Variants in MAF observed in about 807,000 individuals in gnomAD.
MAF encodes transcription factor Maf.
A neutral mutation model predicts 22.0 loss-of-function variants in MAF; 10 were observed. The ratio of observed to expected loss-of-function variants is 0.45; its 90% CI spans 0.28 to 0.77. The LOEUF (loss-of-function observed/expected upper bound fraction) is 0.77, where lower values mean the gene tolerates loss of function less well. Among genes scored for constraint, MAF ranks in the 30% least tolerant of loss-of-function variants. MAF has a pLI of 0.12. For missense variants in MAF, 544 were observed against 548.4 expected, an observed-to-expected ratio of 0.99 and a Z score of 0.08; for synonymous variants, 337 against 255.8, an observed-to-expected ratio of 1.32 and a Z score of -3.03.
chr16:79,343,673 G>A, the MAF span, among the ~76,000 whole-genome samples: 2 of 152,160 alleles, frequency 1.3e-5, no homozygotes, highest in Non-Finnish European at 2.9e-5. Context: ...GCAGACTCCT[G>A]ACTTTTCAAT....
At chr16:79,275,597 T>G in the MAF span, among the ~76,000 whole-genome samples, 1 of 152,186 alleles carries the variant, frequency 6.6e-6, no homozygotes, top group African/African-American at 2.4e-5. Context: ...TTCAGCAGAT[T>G]GTCTTGGACA....
chr16:79,309,818 T>C, the MAF span, among the ~76,000 whole-genome samples: 2 of 152,168 alleles, frequency 1.3e-5, no homozygotes, highest in African/African-American at 4.8e-5. Flanking sequence ...TGAGAAAACT[T>C]TGCTGTACCT....
At chr16:79,507,770 T>C in the MAF span, among the ~76,000 whole-genome samples, 4 of 152,182 alleles carry the variant, frequency 2.6e-5, no homozygotes, top group Non-Finnish European at 4.4e-5. Context: ...ATCTCGTAAA[T>C]GAACTGATAA....
chr16:79,425,293 T>C, the MAF span, among the ~76,000 whole-genome samples: 2 of 152,224 alleles, frequency 1.3e-5, no homozygotes, highest in African/African-American at 2.4e-5. Flanking sequence ...CACTCCATGA[T>C]GTCTTTTTTT....
the MAF span, among the ~76,000 whole-genome samples, chr16:79,519,658 G>C: frequency 1.3e-5 from 2 of 152,206 alleles, no homozygotes; most frequent in Non-Finnish European, 2.9e-5. Flanking sequence ...AGGAGTCCAA[G>C]CCAGGCGACA....
chr16:79,223,591 G>T, the MAF span, among the ~76,000 whole-genome samples: 2 of 151,890 alleles, frequency 1.3e-5, no homozygotes, highest in Admixed American at 1.3e-4. Context: ...TTTTTGCAAA[G>T]ATCAACAAAA....
chr16:79,586,926 T>C (rs541354914), intron 1 of MAF, among the ~76,000 whole-genome samples: 22 of 152,368 alleles, frequency 1.4e-4, no homozygotes, highest in African/African-American at 5.3e-4. Flanking sequence ...GGATATTCAG[T>C]TATTTTTCTT....
the MAF span, among the ~76,000 whole-genome samples, chr16:79,220,120 G>A: frequency 1.3e-5 from 2 of 151,980 alleles, no homozygotes; most frequent in Non-Finnish European, 2.9e-5. Flanking sequence ...GCCGGGTGTG[G>A]TGGTGGGCAC....
the MAF span, among the ~76,000 whole-genome samples, chr16:79,470,069 C>G: frequency 1.3e-5 from 2 of 152,238 alleles, no homozygotes; most frequent in Non-Finnish European, 2.9e-5. Flanking sequence ...TCCAGGCTCT[C>G]AGGCCATGTC....
chr16:79,284,871 T>C, the MAF span, among the ~76,000 whole-genome samples: 1 of 152,120 alleles, frequency 6.6e-6, no homozygotes, highest in Non-Finnish European at 1.5e-5. Context: ...TACAGAACTC[T>C]GGGTCCAGCC....
chr16:79,220,148 C>T, the MAF span, among the ~76,000 whole-genome samples: 1 of 147,706 alleles, frequency 6.8e-6, no homozygotes, highest in African/African-American at 2.5e-5. Flanking sequence ...CCCAGTTACT[C>T]GGGAGGCTGA....
the MAF span, among the ~76,000 whole-genome samples, chr16:79,359,824 G>T: frequency 6.6e-6 from 1 of 152,120 alleles, no homozygotes. Context: ...AGAAGCTGGG[G>T]ACAGTGATGA....
chr16:79,354,330 A>T, the MAF span, among the ~76,000 whole-genome samples: 1 of 152,150 alleles, frequency 6.6e-6, no homozygotes, highest in Non-Finnish European at 1.5e-5. Context: ...TCAGGGATGC[A>T]ACAGGAGAGG....
chr16:79,303,168 G>T, the MAF span, among the ~76,000 whole-genome samples: 1 of 152,182 alleles, frequency 6.6e-6, no homozygotes, highest in East Asian at 1.9e-4. Context: ...GAGGAAGGCT[G>T]ATGTTCTAGA....
chr16:79,597,110 A>T, intron 1 of MAF: 1 of 1,058,862 alleles, frequency 9.4e-7, no homozygotes, highest in Non-Finnish European at 1.1e-6. Flanking sequence ...CACATGCTGT[A>T]TAAGCTACTT....
chr16:79,524,852 A>T, the MAF span, among the ~76,000 whole-genome samples: 31 of 152,230 alleles, frequency 2.0e-4, 1 homozygote, highest in African/African-American at 6.8e-4. Flanking sequence ...TGTGCTGTTC[A>T]ACTGTGTCAG....
At chr16:79,396,521 A>G in the MAF span, among the ~76,000 whole-genome samples, 2 of 152,224 alleles carry the variant, frequency 1.3e-5, no homozygotes, top group African/African-American at 4.8e-5. Context: ...CCCAATAGGA[A>G]GGCATTGTGT....
chr16:79,564,391 C>T, the MAF span, among the ~76,000 whole-genome samples: 39 of 152,076 alleles, frequency 2.6e-4, no homozygotes, highest in Admixed American at 2.0e-4. Context: ...AGTTTATAGC[C>T]GAATAAGGTC....
At chr16:79,413,437 G>A in the MAF span, among the ~76,000 whole-genome samples, 2 of 148,470 alleles carry the variant, frequency 1.3e-5, no homozygotes, top group African/African-American at 4.9e-5. Context: ...AGTAGAGACG[G>A]GGTTTCACCA....
Sources: allele counts gnomAD v4.1 joint callset (sites outside exome capture counted in the v4.1 genomes callset), GRCh38; gene constraint gnomAD v4.1.1; transcripts MANE v1.5; gene names NCBI Gene and HGNC (gene_info 2026-07-23, HGNC 2026-07-21).